The following SHC4 variants were observed in gnomAD, a reference collection of about 807,000 sequenced individuals.
SHC4 encodes the protein SHC-transforming protein 4.
Under a neutral mutation model 69.4 loss-of-function variants are expected in SHC4, and 41 were observed. The observed-to-expected ratio is 0.59, with a 90% CI of 0.46 to 0.77. The LOEUF (loss-of-function observed/expected upper bound fraction) is 0.77. Ranked by LOEUF, SHC4 falls within the 30% of genes least tolerant of loss-of-function variation. The pLI, the probability that SHC4 is intolerant of heterozygous loss-of-function variation, is 0.00. For missense variants in SHC4, 777 were observed against 783.8 expected, an observed-to-expected ratio of 0.99 and a Z score of 0.10; for synonymous variants, 318 against 299.3, an observed-to-expected ratio of 1.06 and a Z score of -0.64.
chr15:48,853,120 A>G (rs928663733), intron 8 of SHC4, among the ~76,000 whole-genome samples: 1 of 151,922 alleles, frequency 6.6e-6, no homozygotes, highest in African/African-American at 2.4e-5. Context: ...GAACTGATAA[A>G]CTTCAATAAA....
chr15:48,951,860 T>C (rs562639854), intron 1 of SHC4, among the ~76,000 whole-genome samples: 1 of 152,344 alleles, frequency 6.6e-6, no homozygotes, highest in Admixed American at 6.5e-5. Flanking sequence ...TAACATTTAT[T>C]ACAGTAATGT....
At position 48,826,072 on chromosome 15, in the gene SHC4, T is replaced by C. The variant is rs1279408856; in HGVS notation, c.1792A>G (p.Met598Val). The C allele has an allele frequency of 6.2e-7, 1 of 1,613,960 alleles. No individual in the cohort carries two copies. Among genetic ancestry groups the C allele is most frequent in the African/African-American group, 1.3e-5 (1 of 75,020 alleles). Residue 598 changes from methionine to valine, a missense_variant, in exon 12 of 12, where the codon ATG (methionine) becomes GTG (valine). Coordinates refer to ENST00000332408, the MANE Select transcript of SHC4 (RefSeq NM_203349.4). ...GAGATGATTGGCAAACTGTTATCCA[T>C]ATGGTATCTGATAAGGTGGCCGACA... ...DNVGHLIRYHMDNSLPIISSG... is the reference protein window; with the variant it reads ...DNVGHLIRYHVDNSLPIISSG...
intron 1 of SHC4, among the ~76,000 whole-genome samples, chr15:48,944,319 C>T (rs781661584): frequency 3.9e-5 from 6 of 151,934 alleles, no homozygotes; most frequent in Non-Finnish European, 7.4e-5. Context: ...CCCCAAACTG[C>T]CATTTCTCAG....
intron 9 of SHC4, among the ~76,000 whole-genome samples, chr15:48,848,011 A>C (rs572858711): frequency 2.4e-4 from 36 of 151,476 alleles, no homozygotes; most frequent in African/African-American, 6.8e-4. Context: ...TAAAAAAAAA[A>C]AAAAAACAAA....
intron 1 of SHC4, among the ~76,000 whole-genome samples, chr15:48,960,086 C>T (rs1378170509): frequency 2.0e-5 from 3 of 152,306 alleles, no homozygotes; most frequent in African/African-American, 4.8e-5. Flanking sequence ...TCACGGATAT[C>T]GGCAATCTTG....
intron 4 of SHC4, chr15:48,878,484 A>C: frequency 6.2e-7 from 1 of 1,613,924 alleles, no homozygotes; most frequent in Non-Finnish European, 8.5e-7. Context: ...GAGGAATTTG[A>C]TGACTGGGAG....
At chr15:48,890,253 G>T (rs2141005606) in intron 3 of SHC4, among the ~76,000 whole-genome samples, 1 of 152,296 alleles carries the variant, frequency 6.6e-6, no homozygotes, top group Non-Finnish European at 1.5e-5. Flanking sequence ...CACAGGGAAA[G>T]CTACTGTACC....
In SHC4 at chr15:48,834,669, T is replaced by TTAGCG. The variant is rs1034221699; in HGVS notation, c.1737+99_1737+100insCGCTA. On this transcript the variant is annotated intron_variant, in intron 11 of 11. Coordinates refer to ENST00000332408, the MANE Select transcript of SHC4 (RefSeq NM_203349.4). ...GGAAGGTTCCAGAAAAAGCAAATAC[T>TTAGCG]TAGCCTTGAGCACTATTCAATACCA... 2.0e-6 allele frequency: 3 copies of TTAGCG among 1,506,602 alleles called. No individual in the cohort carries two copies. The African/African-American group carries it at 4.2e-5, about 21-fold the overall frequency. The allele number at this position is 1,506,602 out of a possible 1,614,324, so 93.3% of individuals were successfully genotyped here.
At position 48,962,472 on chromosome 15, in the gene SHC4, G is replaced by T. The variant is rs570329592; in HGVS notation, c.544C>A (p.Leu182Ile). The change falls in exon 1 of 12, where the codon CTA (leucine) becomes ATA (isoleucine). Residue 182 changes from leucine to isoleucine, a missense_variant. Transcript: ENST00000332408. The stretch of plus-strand genomic sequence containing the variant: ...ATGCCCATCCCCAACAGGTGCTGTA[G>T]AAAGTGCCTGTCCTGCCTGCTCCTA... ...TLRSRQDRHF[L>I]QHLLGMGMNY... The T allele has an allele frequency of 3.3e-6, 5 of 1,532,712 alleles. No individual in the cohort carries two copies. Among genetic ancestry groups the T allele is most frequent in the Admixed American group, 4.2e-5 (2 of 47,210 alleles). The allele number at this position is 1,532,712 out of a possible 1,614,324, so 94.9% of individuals were successfully genotyped here. A position where few individuals can be genotyped will look rare whatever the true frequency, so the allele number is the denominator to read the frequency against.
intron 9 of SHC4, among the ~76,000 whole-genome samples, chr15:48,843,869 G>A (rs999563973): frequency 6.6e-6 from 1 of 151,260 alleles, no homozygotes; most frequent in Non-Finnish European, 1.5e-5. Context: ...ATCCAAAGAG[G>A]ACTGACCAGC....
chr15:48,883,499 C>G (rs1899980604), intron 4 of SHC4, among the ~76,000 whole-genome samples: 1 of 152,160 alleles, frequency 6.6e-6, no homozygotes, highest in Non-Finnish European at 1.5e-5. Flanking sequence ...TGTAAAGAAA[C>G]TTGGATCACA....
chr15:48,928,375 G>C (rs2141026572), intron 1 of SHC4, among the ~76,000 whole-genome samples: 1 of 152,178 alleles, frequency 6.6e-6, no homozygotes, highest in Admixed American at 6.5e-5. Flanking sequence ...GTTGACAGTG[G>C]GAACTTTAAA....
chr15:48,847,423 A>G lies in SHC4; in HGVS notation c.1303+3765T>C, dbSNP rs770037163. Among the ~76,000 whole-genome samples the G allele has an allele frequency of 7.9e-5, 12 of 152,346 alleles. No homozygotes were observed. The South Asian group carries it at 1.4e-3, about 18-fold the overall frequency. ...TTGTTTTCCATGAGGGAATTTTTCC[A>G]TAAGTATGAAGGATAAGGATCTTTT... On this transcript the variant is annotated intron_variant, in intron 9 of 11. Transcript: ENST00000332408.
intron 4 of SHC4, among the ~76,000 whole-genome samples, chr15:48,880,906 G>C (rs1340605056): frequency 6.7e-6 from 1 of 149,972 alleles, no homozygotes; most frequent in Non-Finnish European, 1.5e-5. Context: ...TAATCTCTCT[G>C]GCTCATGTCC....
intron 6 of SHC4, among the ~76,000 whole-genome samples, chr15:48,861,446 T>C (rs529677123): frequency 3.3e-5 from 5 of 152,358 alleles, no homozygotes; most frequent in African/African-American, 7.2e-5. Flanking sequence ...TGTTGCTCTA[T>C]GGAAATGGTC....
chr15:48,910,284 C>G (rs961971666), intron 2 of SHC4, among the ~76,000 whole-genome samples: 1 of 151,938 alleles, frequency 6.6e-6, no homozygotes, highest in Non-Finnish European at 1.5e-5. Context: ...CTGATTTAAG[C>G]TAGGAGGGTT....
At chr15:48,954,548 T>C (rs1901411924) in intron 1 of SHC4, among the ~76,000 whole-genome samples, 1 of 152,250 alleles carries the variant, frequency 6.6e-6, no homozygotes, top group South Asian at 2.1e-4. Flanking sequence ...CTTTCCAAAA[T>C]GCAGATGCTT....
chr15:48,903,369 C>T (rs1250554522), intron 2 of SHC4, among the ~76,000 whole-genome samples: 4 of 152,270 alleles, frequency 2.6e-5, no homozygotes, highest in Admixed American at 1.3e-4. Context: ...GGGTGCCTCC[C>T]GTCTAGCTCA....
intron 2 of SHC4, among the ~76,000 whole-genome samples, chr15:48,906,491 T>A (rs1297631065): frequency 6.6e-6 from 1 of 151,838 alleles, no homozygotes; most frequent in Non-Finnish European, 1.5e-5. Context: ...CTCCCCCATC[T>A]CATCCCCTTT....
Sources: allele counts gnomAD v4.1 joint callset (sites outside exome capture counted in the v4.1 genomes callset), GRCh38; gene constraint gnomAD v4.1.1; transcripts MANE v1.5; gene names NCBI Gene and HGNC (gene_info 2026-07-23, HGNC 2026-07-21).